The following RBFOX3 variants were observed in gnomAD, a reference collection of about 807,000 sequenced individuals.
RBFOX3 encodes RNA binding fox-1 homolog 3.
A neutral mutation model predicts 48.7 loss-of-function variants in RBFOX3; 17 were observed. The observed-to-expected ratio is 0.35, with a 90% confidence interval of 0.24 to 0.52. The LOEUF is 0.52. Among genes scored for constraint, RBFOX3 ranks in the 20% least tolerant of loss-of-function variants. The pLI is 0.94. For synonymous variants in RBFOX3, 212 were observed against 209.5 expected (o/e 1.01, Z -0.10); for missense variants, 382 against 497.5 (o/e 0.77, Z 2.21).
At chr17:79,272,048 T>G in intron 3 of RBFOX3, among the ~76,000 whole-genome samples, 1 of 151,736 alleles carries the variant, frequency 6.6e-6, no homozygotes, top group African/African-American at 2.4e-5. Flanking sequence ...CTTTTCGGGG[T>G]GGGAACGCCG....
At chr17:79,232,063 A>T (rs914882897) in intron 4 of RBFOX3, among the ~76,000 whole-genome samples, 1 of 152,218 alleles carries the variant, frequency 6.6e-6, no homozygotes, top group African/African-American at 2.4e-5. Flanking sequence ...TTACAAAACC[A>T]TCAGATCTCG....
rs1434828523 is a variant in RBFOX3 at position 79,096,569 on chromosome 17, G to A, written c.936+84C>T. The A allele has an allele frequency of 4.2e-6, 5 of 1,194,184 alleles. No individual in the cohort carries two copies. The Admixed American group carries it at 6.1e-5, about 15-fold the overall frequency. The allele number at this position is 1,194,184 out of a possible 1,614,324, so 74.0% of individuals were successfully genotyped here. ...GGATGGGATGGGATGGGAGGAGCGG[G>A]CAGTGAGAGAGGAGACGCCGACTTC... On this transcript the variant is annotated intron_variant, in intron 12 of 14. Coordinates refer to ENST00000693108, the MANE Select transcript of RBFOX3 (RefSeq NM_001350451.2).
intron 2 of RBFOX3, among the ~76,000 whole-genome samples, chr17:79,434,297 A>C (rs2068991538): frequency 6.6e-6 from 1 of 152,338 alleles, no homozygotes; most frequent in South Asian, 2.1e-4. Context: ...GTCACAAATA[A>C]ATTTTAGCAA....
chr17:79,539,281 G>C (rs1555789564), intron 1 of RBFOX3, among the ~76,000 whole-genome samples: 2 of 152,166 alleles, frequency 1.3e-5, no homozygotes, highest in African/African-American at 4.8e-5. Flanking sequence ...GAGCCCAGGG[G>C]GTCACGGCTG....
chr17:79,468,996 T>C (rs2076718486), intron 2 of RBFOX3, among the ~76,000 whole-genome samples: 1 of 142,644 alleles, frequency 7.0e-6, no homozygotes, highest in Non-Finnish European at 1.5e-5. Flanking sequence ...GGATAGCAGA[T>C]AGGCAGGCAG....
intron 3 of RBFOX3, among the ~76,000 whole-genome samples, chr17:79,265,323 A>G (rs925637651): frequency 3.2e-4 from 48 of 152,322 alleles, no homozygotes; most frequent in African/African-American, 1.2e-3. Flanking sequence ...TCAGGCGGTC[A>G]TGGGGAGCAG....
intron 4 of RBFOX3, among the ~76,000 whole-genome samples, chr17:79,149,251 T>C (rs1310998544): frequency 6.6e-6 from 1 of 152,150 alleles, no homozygotes; most frequent in Non-Finnish European, 1.5e-5. Flanking sequence ...AGGGCATCCA[T>C]CTGGGGCTTA....
intron 2 of RBFOX3, among the ~76,000 whole-genome samples, chr17:79,476,833 A>C (rs1297946397): frequency 6.6e-6 from 1 of 151,776 alleles, no homozygotes. Flanking sequence ...AGAGAGACAG[A>C]CAGAGACAGA....
chr17:79,399,359 T>C (rs1568181600), intron 2 of RBFOX3, among the ~76,000 whole-genome samples: 2 of 152,344 alleles, frequency 1.3e-5, no homozygotes, highest in East Asian at 1.9e-4. Context: ...ACACAGCTGG[T>C]AAATCAGCAG....
chr17:79,448,693 T>C (rs1272647962), intron 2 of RBFOX3, among the ~76,000 whole-genome samples: 2 of 152,152 alleles, frequency 1.3e-5, no homozygotes, highest in South Asian at 2.1e-4. Flanking sequence ...TCACTTGTTA[T>C]ATCAGATGCA....
At chr17:79,309,862 C>T (rs1430868477) in intron 2 of RBFOX3, among the ~76,000 whole-genome samples, 1 of 152,192 alleles carries the variant, frequency 6.6e-6, no homozygotes, top group Non-Finnish European at 1.5e-5. Flanking sequence ...CGCCTTCCGC[C>T]ACGATTGTAA....
intron 1 of RBFOX3, among the ~76,000 whole-genome samples, chr17:79,512,529 A>G (rs1215920745): frequency 1.2e-4 from 16 of 130,362 alleles, no homozygotes; most frequent in African/African-American, 2.9e-4. Context: ...ACCCAGATAC[A>G]TGTTACCATC....
chr17:79,090,989 TG>T (rs2073774910), intron 14 of RBFOX3, 104 bp from the exon 15 acceptor site: 2 of 1,080,198 alleles, frequency 1.9e-6, no homozygotes, highest in East Asian at 5.8e-5. Flanking sequence ...CCTAAAGTCC[TG>T]GCGCCGCCAC....
At chr17:79,492,424 T>C (rs1466928752) in intron 1 of RBFOX3, among the ~76,000 whole-genome samples, 2 of 152,238 alleles carry the variant, frequency 1.3e-5, no homozygotes, top group Admixed American at 6.5e-5. Context: ...TCTCTCACTC[T>C]GGAGGAAGTC....
chr17:79,357,802 G>T (rs1568103969), intron 2 of RBFOX3, among the ~76,000 whole-genome samples: 1 of 147,510 alleles, frequency 6.8e-6, no homozygotes, highest in African/African-American at 2.5e-5. Context: ...CCTCAAGGGT[G>T]TTTTTTTTTT....
At chr17:79,593,713 A>G (rs938246743) in intron 1 of RBFOX3, among the ~76,000 whole-genome samples, 22 of 152,316 alleles carry the variant, frequency 1.4e-4, no homozygotes, top group African/African-American at 4.8e-4. Context: ...CTTGATTTTG[A>G]AAACGACAAG....
At chr17:79,579,042 C>G (rs2144745335) in intron 1 of RBFOX3, among the ~76,000 whole-genome samples, 2 of 152,356 alleles carry the variant, frequency 1.3e-5, no homozygotes, top group South Asian at 4.1e-4. Flanking sequence ...GTCCATCTCC[C>G]ATGCGTCTCC....
At chr17:79,498,868 T>TCCATC (rs1555776022) in intron 1 of RBFOX3, among the ~76,000 whole-genome samples, 1 of 135,650 alleles carries the variant, frequency 7.4e-6, no homozygotes. Flanking sequence ...ACCCATTCGC[T>TCCATC]CATCCATCCA....
At chr17:79,332,411 G>A (rs1471632785) in intron 2 of RBFOX3, among the ~76,000 whole-genome samples, 1 of 152,094 alleles carries the variant, frequency 6.6e-6, no homozygotes, top group East Asian at 1.9e-4. Context: ...GGGATAGATA[G>A]GGAGCCCTAG....
Sources: gnomAD v4.1 joint callset for allele counts (sites outside exome capture counted in the v4.1 genomes callset) on GRCh38, gnomAD v4.1.1 for gene constraint, MANE v1.5 for transcripts, NCBI Gene and HGNC (gene_info 2026-07-23, HGNC 2026-07-21) for gene names.